Variants in SLC35F3 observed in about 807,000 individuals in gnomAD.
SLC35F3 encodes solute carrier family 35 member F3.
Under a neutral mutation model 49.9 loss-of-function variants are expected in SLC35F3, and 25 were observed. That is an observed-to-expected ratio of 0.50 (90% CI 0.37 to 0.70). The LOEUF is 0.70. Among genes scored for constraint, SLC35F3 ranks in the 30% least tolerant of loss-of-function variants. SLC35F3 has a pLI of 0.00. For synonymous variants in SLC35F3, 275 were observed against 265.4 expected (o/e 1.04, Z -0.35); for missense variants, 525 against 639.8 (o/e 0.82, Z 1.94).
At chr1:234,053,693 G>A (rs1664412155) in intron 2 of SLC35F3, among the ~76,000 whole-genome samples, 1 of 152,150 alleles carries the variant, frequency 6.6e-6, no homozygotes, top group Non-Finnish European at 1.5e-5. Context: ...TATGATGTTA[G>A]CTGGTTATTT....
At chr1:233,950,541 TC>T (rs1242680439) in intron 2 of SLC35F3, among the ~76,000 whole-genome samples, 4 of 142,034 alleles carry the variant, frequency 2.8e-5, no homozygotes, top group Non-Finnish European at 6.1e-5. Flanking sequence ...CTTCCTTCCC[TC>T]CTTCACTCTT....
intron 4 of SLC35F3, among the ~76,000 whole-genome samples, chr1:234,312,383 T>A (rs949648918): frequency 6.6e-6 from 1 of 152,214 alleles, no homozygotes; most frequent in African/African-American, 2.4e-5. Context: ...ATCATGGACC[T>A]TTTTCCAAGA....
In SLC35F3 at chr1:234,231,096, A is replaced by G. The variant is rs1053776272; in HGVS notation, c.284-321A>G. 2.6e-5 allele frequency among the ~76,000 whole-genome samples: 4 copies of G among 152,186 alleles called. No homozygotes were observed. The highest frequency in any genetic ancestry group is 2.6e-4 in the Admixed American group (4 of 15,290). On this transcript the variant is annotated intron_variant, in intron 2 of 7. Transcript: ENST00000366618. The surrounding 1 kb of genome is among the most constrained non-coding windows in gnomAD (Gnocchi z 5.4). ...AGCACGCAGATCACCTGAGGAATGC[A>G]GGTTCTGATTTTGGAGTCTGGGGTG...
At chr1:234,085,124 A>G (rs911448333) in intron 2 of SLC35F3, among the ~76,000 whole-genome samples, 1 of 152,192 alleles carries the variant, frequency 6.6e-6, no homozygotes, top group Admixed American at 6.5e-5. Flanking sequence ...CCTAGAAGGG[A>G]GAGTCTAGAA....
At chr1:233,975,677 C>T (rs918989403) in intron 2 of SLC35F3, among the ~76,000 whole-genome samples, 5 of 152,188 alleles carry the variant, frequency 3.3e-5, no homozygotes, top group Non-Finnish European at 1.5e-5. Context: ...GAGCAACAGG[C>T]CATCCAGTGA....
chr1:234,045,891 G>T (rs930316774), intron 2 of SLC35F3, among the ~76,000 whole-genome samples: 3 of 151,892 alleles, frequency 2.0e-5, no homozygotes, highest in African/African-American at 7.3e-5. Flanking sequence ...ATTTATATAA[G>T]TGCCACAAAA....
intron 2 of SLC35F3, among the ~76,000 whole-genome samples, chr1:234,170,603 ACCACAGG>A (rs1310370040): frequency 6.6e-6 from 1 of 152,038 alleles, no homozygotes; most frequent in Non-Finnish European, 1.5e-5. Context: ...CCTACCCCTC[ACCACAGG>A]CCTGAGCTTT....
chr1:234,130,976 G>A (rs1665727286), intron 2 of SLC35F3, among the ~76,000 whole-genome samples: 2 of 130,556 alleles, frequency 1.5e-5, no homozygotes, highest in Admixed American at 1.4e-4. Context: ...ATACTATACA[G>A]GATGAAAATG....
At chr1:234,279,147 AG>A (rs1430107351) in intron 3 of SLC35F3, among the ~76,000 whole-genome samples, 2 of 152,156 alleles carry the variant, frequency 1.3e-5, no homozygotes, top group African/African-American at 4.8e-5. Context: ...CTCCAAGCAA[AG>A]GCAGGACAAC....
chr1:233,908,534 T>C (rs1038285174), intron 2 of SLC35F3, among the ~76,000 whole-genome samples: 1 of 145,330 alleles, frequency 6.9e-6, no homozygotes, highest in Non-Finnish European at 1.5e-5. Flanking sequence ...TTGTAAAGGA[T>C]TCTTTTTTTT....
chr1:234,096,613 C>G (rs1665129095), intron 2 of SLC35F3, among the ~76,000 whole-genome samples: 1 of 152,078 alleles, frequency 6.6e-6, no homozygotes, highest in South Asian at 2.1e-4. Context: ...ACAAAAAGCC[C>G]CAGAGCCAGT....
At chr1:233,993,462 T>G (rs772230180) in intron 2 of SLC35F3, among the ~76,000 whole-genome samples, 1 of 152,198 alleles carries the variant, frequency 6.6e-6, no homozygotes, top group Non-Finnish European at 1.5e-5. Context: ...TTATGATAGA[T>G]TCATCAAAAT....
chr1:234,033,653 T>A (rs1664099846), intron 2 of SLC35F3, among the ~76,000 whole-genome samples: 1 of 152,222 alleles, frequency 6.6e-6, no homozygotes, highest in Non-Finnish European at 1.5e-5. Context: ...TTGTCGAAGA[T>A]CAGTTGGCTC....
At chr1:233,938,872 T>C (rs1416064970) in intron 2 of SLC35F3, among the ~76,000 whole-genome samples, 1 of 152,186 alleles carries the variant, frequency 6.6e-6, no homozygotes, top group Non-Finnish European at 1.5e-5. Context: ...CAGAAAGCAG[T>C]ATTGGTTAAC....
At chr1:234,194,565 A>G (rs567251808) in intron 2 of SLC35F3, among the ~76,000 whole-genome samples, 7 of 152,248 alleles carry the variant, frequency 4.6e-5, no homozygotes, top group Admixed American at 1.3e-4. Flanking sequence ...TATGTAACCA[A>G]ATACCACCTG....
intron 2 of SLC35F3, among the ~76,000 whole-genome samples, chr1:234,066,786 T>G (rs1420715920): frequency 1.4e-5 from 2 of 146,902 alleles, no homozygotes; most frequent in Non-Finnish European, 3.0e-5. Flanking sequence ...TCTCTCTCTC[T>G]CTTTCTCTCC....
At chr1:233,983,959 A>AGGAACTAGG (rs113823177) in intron 2 of SLC35F3, among the ~76,000 whole-genome samples, 8 of 152,350 alleles carry the variant, frequency 5.3e-5, no homozygotes, top group African/African-American at 1.4e-4. Flanking sequence ...CGGAAAGCTC[A>AGGAACTAGG]GGAACTAGGA....
At chr1:234,144,955 GT>G (rs1169997825) in intron 2 of SLC35F3, among the ~76,000 whole-genome samples, 1 of 152,194 alleles carries the variant, frequency 6.6e-6, no homozygotes, top group African/African-American at 2.4e-5. Context: ...GTGTAGTGCT[GT>G]GTCATTCTCT....
chr1:234,289,492 C>T (rs888672685), intron 3 of SLC35F3, among the ~76,000 whole-genome samples: 12 of 152,158 alleles, frequency 7.9e-5, no homozygotes, highest in African/African-American at 2.9e-4. Flanking sequence ...CAAGAAGGGC[C>T]TTCCCACACA....
Sources: allele counts gnomAD v4.1 joint callset (sites outside exome capture counted in the v4.1 genomes callset), GRCh38; gene constraint gnomAD v4.1.1; non-coding constraint Gnocchi (gnomAD v3.1); transcripts MANE v1.5; gene names NCBI Gene and HGNC (gene_info 2026-07-23, HGNC 2026-07-21).